The following GRIA1 variants were observed in gnomAD, a reference collection of about 807,000 sequenced individuals.
The protein encoded by GRIA1 is glutamate ionotropic receptor AMPA type subunit 1.
A neutral mutation model predicts 99.2 loss-of-function variants in GRIA1; 31 were observed. The observed-to-expected ratio is 0.31, with a 90% CI of 0.23 to 0.42. The LOEUF is 0.42. Among genes scored for constraint, GRIA1 ranks in the 10% least tolerant of loss-of-function variants. The pLI, the probability that GRIA1 is intolerant of heterozygous loss-of-function variation, is 1.00. For missense variants in GRIA1, 782 were observed against 1,157.5 expected, an observed-to-expected ratio of 0.68 and a Z score of 4.71; for synonymous variants, 438 against 432.4, an observed-to-expected ratio of 1.01 and a Z score of -0.16.
chr5:153,569,532 C>T (rs899195722), intron 2 of GRIA1, among the ~76,000 whole-genome samples: 7 of 152,216 alleles, frequency 4.6e-5, no homozygotes, highest in Non-Finnish European at 7.3e-5. Context: ...GGGCAAAAAG[C>T]CCCGATTGAG....
chr5:153,547,496 C>T (rs1561631214), intron 2 of GRIA1, among the ~76,000 whole-genome samples: 2 of 152,198 alleles, frequency 1.3e-5, no homozygotes, highest in Non-Finnish European at 1.5e-5. Flanking sequence ...TTCTACCCTT[C>T]CTAGCTCCTG....
chr5:153,678,246 C>T (rs758228991), intron 7 of GRIA1, among the ~76,000 whole-genome samples: 57 of 152,172 alleles, frequency 3.7e-4, no homozygotes, highest in Non-Finnish European at 1.9e-4. Flanking sequence ...CAACTATTCC[C>T]ACTTGTTTGC....
At chr5:153,505,327 T>C (rs1755391809) in intron 2 of GRIA1, among the ~76,000 whole-genome samples, 1 of 142,260 alleles carries the variant, frequency 7.0e-6, no homozygotes, top group Non-Finnish European at 1.5e-5. Flanking sequence ...ATTTGGCAAT[T>C]ATTTCTCTCT....
intron 11 of GRIA1, among the ~76,000 whole-genome samples, chr5:153,757,463 A>G (rs190356299): frequency 5.6e-4 from 85 of 152,310 alleles, no homozygotes; most frequent in African/African-American, 2.0e-3. Flanking sequence ...TCACCAATAG[A>G]TTCAACCCAA....
intron 11 of GRIA1, among the ~76,000 whole-genome samples, chr5:153,759,994 C>T (rs1387616985): frequency 6.6e-6 from 1 of 152,006 alleles, no homozygotes. Context: ...TAAAATTCAG[C>T]AACCTTTTAT....
At chr5:153,725,041 C>A (rs773915207) in intron 11 of GRIA1, among the ~76,000 whole-genome samples, 1 of 152,230 alleles carries the variant, frequency 6.6e-6, no homozygotes, top group Admixed American at 6.5e-5. Context: ...AGACTAACAG[C>A]GGATCTCTCG....
At chr5:153,496,363 T>A (rs1754425376) in intron 2 of GRIA1, among the ~76,000 whole-genome samples, 1 of 152,224 alleles carries the variant, frequency 6.6e-6, no homozygotes, top group Non-Finnish European at 1.5e-5. Context: ...CAGTTAATTC[T>A]TTAAGTGTTT....
At chr5:153,741,955 AAG>A (rs1304281623) in intron 11 of GRIA1, among the ~76,000 whole-genome samples, 5 of 152,032 alleles carry the variant, frequency 3.3e-5, no homozygotes, top group African/African-American at 4.8e-5. Context: ...AAAAAAGAAA[AAG>A]AGGAAATATG....
intron 13 of GRIA1, among the ~76,000 whole-genome samples, chr5:153,791,761 A>T (rs568726441): frequency 1.0e-3 from 158 of 152,282 alleles, no homozygotes; most frequent in Middle Eastern, 3.4e-3. Flanking sequence ...CGATCACCTT[A>T]TATCCCTGTG....
intron 2 of GRIA1, among the ~76,000 whole-genome samples, chr5:153,584,967 G>C (rs1446641555): frequency 6.6e-6 from 1 of 152,060 alleles, no homozygotes; most frequent in Non-Finnish European, 1.5e-5. Context: ...AAAAGGAAAG[G>C]GTCTTCCTTG....
At chr5:153,731,893 C>T (rs963414526) in intron 11 of GRIA1, among the ~76,000 whole-genome samples, 1 of 152,086 alleles carries the variant, frequency 6.6e-6, no homozygotes, top group Non-Finnish European at 1.5e-5. Context: ...CTTTGACCAA[C>T]ATCTTATTTC....
Position 153,719,290 on chromosome 5 carries a change from C to A in GRIA1, c.1823+13223C>A, listed in dbSNP as rs181039735. Among the ~76,000 whole-genome samples the A allele has an allele frequency of 3.4e-3, 518 of 152,164 alleles. 1 individual carries two copies. Among genetic ancestry groups the A allele is most frequent in the Non-Finnish European group, 3.6e-3 (243 of 68,012 alleles). ...AGCCTCTACCACTATTGCTGTATAA[C>A]AAACCACTCCAAACTCATGACAAAA... is the stretch of plus-strand genomic sequence containing the variant. On this transcript the variant is annotated intron_variant, in intron 11 of 15. Coordinates refer to ENST00000285900, the MANE Select transcript of GRIA1 (RefSeq NM_000827.4).
chr5:153,541,837 G>C (rs1424107604), intron 2 of GRIA1, among the ~76,000 whole-genome samples: 1 of 148,188 alleles, frequency 6.7e-6, no homozygotes, highest in East Asian at 2.0e-4. Flanking sequence ...GGCTGAGGCA[G>C]GAGAATCGCT....
chr5:153,754,454 A>AAACAAC (rs201682146), intron 11 of GRIA1, among the ~76,000 whole-genome samples: 11 of 151,954 alleles, frequency 7.2e-5, no homozygotes, highest in East Asian at 3.8e-4. Context: ...AGGCTGCTAT[A>AAACAAC]AACAACAACA....
chr5:153,789,221 C>G (rs1765151376), intron 13 of GRIA1, among the ~76,000 whole-genome samples: 1 of 151,852 alleles, frequency 6.6e-6, no homozygotes, highest in Non-Finnish European at 1.5e-5. Flanking sequence ...AAATTGTTGT[C>G]TAATAATGAG....
At chr5:153,764,305 G>T in intron 11 of GRIA1, 129 bp from the exon 12 acceptor site, 1 of 677,548 alleles carries the variant, frequency 1.5e-6, no homozygotes, top group East Asian at 2.6e-5. Flanking sequence ...ACATCTTGCT[G>T]ACAGATGAGA....
Position 153,517,862 on chromosome 5 carries a change from T to G in GRIA1, c.220+23797T>G, listed in dbSNP as rs902066329. ...CTTTTTAAACGTATTGAGCTGAACA[T>G]TCCATTCCTCTGCTTAAGTAAATGT... On this transcript the variant is annotated intron_variant, in intron 2 of 15. Coordinates refer to ENST00000285900, the MANE Select transcript of GRIA1 (RefSeq NM_000827.4). Among the ~76,000 whole-genome samples, 4 of 152,224 alleles carry G rather than the reference T, an allele frequency of 2.6e-5. 1 individual carries two copies. Among genetic ancestry groups the G allele is most frequent in the African/African-American group, 9.6e-5 (4 of 41,468 alleles).
intron 2 of GRIA1, among the ~76,000 whole-genome samples, chr5:153,535,463 A>G (rs1758481304): frequency 1.3e-5 from 2 of 152,310 alleles, no homozygotes; most frequent in Admixed American, 6.5e-5. Flanking sequence ...GGCACATATG[A>G]TAGGCCAAAA....
At chr5:153,746,785 T>C (rs976442339) in intron 11 of GRIA1, among the ~76,000 whole-genome samples, 1 of 152,186 alleles carries the variant, frequency 6.6e-6, no homozygotes, top group African/African-American at 2.4e-5. Flanking sequence ...CAGAAGGAAA[T>C]GGGAGGAAGT....
Sources: gnomAD v4.1 joint callset for allele counts (sites outside exome capture counted in the v4.1 genomes callset) on GRCh38, gnomAD v4.1.1 for gene constraint, MANE v1.5 for transcripts, NCBI Gene and HGNC (gene_info 2026-07-23, HGNC 2026-07-21) for gene names.